Variants in TADA2A observed in about 807,000 individuals in gnomAD.
TADA2A encodes the protein transcriptional adaptor 2A.
Under a neutral mutation model 67.4 loss-of-function variants are expected in TADA2A, and 38 were observed. The observed-to-expected ratio is 0.56, with a 90% confidence interval of 0.44 to 0.74. The LOEUF is 0.74. TADA2A is among the 30% of genes least tolerant of loss of function. TADA2A has a pLI of 0.00. For missense variants in TADA2A, 454 were observed against 547.0 expected (o/e 0.83, Z 1.70); for synonymous variants, 192 against 181.6 (o/e 1.06, Z -0.46).
chr17:37,427,151 C>T (rs1017263956), intron 4 of TADA2A, 142 bp downstream of exon 4: 1 of 607,686 alleles, frequency 1.6e-6, no homozygotes, highest in Non-Finnish European at 2.6e-6. Context: ...TTTACCTTTT[C>T]TCCCCTTCGG....
chr17:37,437,061 A>C lies in TADA2A; in HGVS notation c.193-677A>C, dbSNP rs536542281. 3.8e-4 allele frequency among the ~76,000 whole-genome samples: 57 copies of C among 151,730 alleles called. 1 individual carries two copies. The highest frequency in any genetic ancestry group is 1.3e-3 in the African/African-American group (54 of 41,218). On this transcript the variant is annotated intron_variant, in intron 4 of 15. Coordinates refer to ENST00000615182, the MANE Select transcript of TADA2A (RefSeq NM_001166105.3). ...CGGCTGTAAACTATTACTACAGTTG[A>C]AGTTCCTAGATTCCATTTATTTTTA...
At chr17:37,450,466 T>A (rs970637529) in intron 8 of TADA2A, 1 of 152,230 alleles carries the variant, frequency 6.6e-6, no homozygotes, top group Admixed American at 6.5e-5. Flanking sequence ...GTTAGCTATT[T>A]TGAACAATGT....
chr17:37,449,760 C>T (rs1295502052), intron 8 of TADA2A, among the ~76,000 whole-genome samples: 2 of 152,090 alleles, frequency 1.3e-5, no homozygotes, highest in African/African-American at 2.4e-5. Context: ...GCTGGGACTC[C>T]AGGCGTGCAC....
At chr17:37,412,084 G>A (rs913213965) in intron 2 of TADA2A, among the ~76,000 whole-genome samples, 7 of 151,812 alleles carry the variant, frequency 4.6e-5, no homozygotes, top group Non-Finnish European at 7.4e-5. Context: ...GGTGGCAGGC[G>A]CCTGTAGTCC....
rs1485716940 is a variant in TADA2A, at chr17:37,406,916, G to C, written c.-131G>C. 2 of 144,734 alleles carry C rather than the reference G, an allele frequency of 1.4e-5. No homozygotes were observed. Among genetic ancestry groups the C allele is most frequent in the Non-Finnish European group, 3.1e-5 (2 of 65,188 alleles). The allele number at this position is 144,734 out of a possible 1,614,324, so 9.0% of individuals were successfully genotyped here. A position where few individuals can be genotyped will look rare whatever the true frequency, so the allele number is the denominator to read the frequency against. ...AAGCCCGGAGGCGCGCGCGACCGGC[G>C]GCTCTTTGGCGCGGATTAGGGGGTC... On this transcript the variant is annotated 5_prime_UTR_variant, in exon 1 of 16. Coordinates refer to ENST00000615182, the MANE Select transcript of TADA2A (RefSeq NM_001166105.3).
intron 7 of TADA2A, 142 bp from the exon 8 acceptor site, chr17:37,444,554 T>C: frequency 2.8e-6 from 2 of 704,922 alleles, no homozygotes; most frequent in South Asian, 3.6e-5. Context: ...TGTGCCAGTA[T>C]TGTGGCCTTT....
intron 3 of TADA2A, among the ~76,000 whole-genome samples, chr17:37,425,061 G>A (rs1168368211): frequency 1.3e-5 from 2 of 151,532 alleles, no homozygotes; most frequent in Admixed American, 1.3e-4. Flanking sequence ...TTATATTTTT[G>A]GTAGAGATGG....
At chr17:37,410,698 A>G (rs1035622529) in intron 1 of TADA2A, among the ~76,000 whole-genome samples, 1 of 152,218 alleles carries the variant, frequency 6.6e-6, no homozygotes, top group African/African-American at 2.4e-5. Context: ...AATGAATTCT[A>G]GTGAATAACT....
intron 1 of TADA2A, among the ~76,000 whole-genome samples, chr17:37,409,430 G>C (rs2051786829): frequency 6.6e-6 from 1 of 152,150 alleles, no homozygotes; most frequent in South Asian, 2.1e-4. Context: ...TAGACATTCA[G>C]AAGTAATACT....
chr17:37,411,381 T>C lies in TADA2A; in HGVS notation c.16T>C (p.Ser6Pro), dbSNP rs7211875. 0.15 allele frequency: 235,697 copies of C among 1,613,530 alleles called. 18,223 individuals are homozygous for C. The highest frequency in any genetic ancestry group is 0.26 in the East Asian group (11,855 of 44,854). ...CAATTAGGGAATGGACCGTTTGGGT[T>C]CCTTTAGCAGTAAGTACAGTGGGAA... MDRLG[S>P]FSNDPSDKPP... The change falls in exon 2 of 16, where the codon TCC becomes CCC. Residue 6 changes from serine (S) to proline (P), a missense_variant. By Grantham distance (74) the Ser-to-Pro change is moderately conservative (BLOSUM62 -1). Coordinates refer to ENST00000615182, the MANE Select transcript of TADA2A (RefSeq NM_001166105.3).
chr17:37,437,629 C>T (rs1264053485), intron 4 of TADA2A, 109 bp from the exon 5 acceptor site: 35 of 891,814 alleles, frequency 3.9e-5, no homozygotes, highest in Middle Eastern at 5.2e-4. Flanking sequence ...TCAGGTGATC[C>T]GCCCGCCTCC....
At chr17:37,425,964 C>T (rs916903586) in intron 3 of TADA2A, among the ~76,000 whole-genome samples, 1 of 151,000 alleles carries the variant, frequency 6.6e-6, no homozygotes, top group African/African-American at 2.4e-5. Context: ...TTTTATTTTT[C>T]TTTAAAAAAA....
At chr17:37,422,496 T>G (rs1350560041) in intron 2 of TADA2A, among the ~76,000 whole-genome samples, 165 of 127,120 alleles carry the variant, frequency 1.3e-3, no homozygotes, top group African/African-American at 3.9e-3. Context: ...TTATTATTAT[T>G]ATTATTATTA....
intron 2 of TADA2A, among the ~76,000 whole-genome samples, chr17:37,422,689 A>T (rs1191808923): frequency 1.3e-5 from 2 of 151,854 alleles, no homozygotes; most frequent in African/African-American, 2.4e-5. Flanking sequence ...TTTAGTAGAG[A>T]CAGGGTTTCG....
intron 12 of TADA2A, among the ~76,000 whole-genome samples, chr17:37,467,986 G>A (rs1434244838): frequency 6.6e-6 from 1 of 151,964 alleles, no homozygotes; most frequent in Non-Finnish European, 1.5e-5. Flanking sequence ...GGAGGCTGAG[G>A]CACAAGAATC....
chr17:37,474,626 G>C lies in TADA2A; in HGVS notation c.1143G>C (p.Lys381Asn). Reference protein sequence around the residue: ...PGTEKLNEKEKELCQMVRLVP... With the variant: ...PGTEKLNEKENELCQMVRLVP... Reference sequence around the variant, plus strand: ...CAGAGAAGCTGAATGAAAAAGAAAAGGAGGTAACAAAAGGGAGGGGGCTGG... The same window carrying C: ...CAGAGAAGCTGAATGAAAAAGAAAACGAGGTAACAAAAGGGAGGGGGCTGG... The change falls in exon 15 of 16, where the codon AAG becomes AAC. Residue 381 changes from lysine (K) to asparagine (N), a missense_variant. Coordinates refer to ENST00000615182, the MANE Select transcript of TADA2A (RefSeq NM_001166105.3). The C allele has an allele frequency of 6.2e-7, 1 of 1,611,286 alleles. No homozygotes were observed. The highest frequency in any genetic ancestry group is 8.5e-7 in the Non-Finnish European group (1 of 1,178,568).
intron 3 of TADA2A, among the ~76,000 whole-genome samples, chr17:37,424,940 C>T (rs2052360634): frequency 6.6e-6 from 1 of 152,138 alleles, no homozygotes; most frequent in Admixed American, 6.6e-5. Context: ...CGGTTCACTG[C>T]AAGCTGTGCC....
At position 37,440,581 on chromosome 17, in the gene TADA2A, A is replaced by C. The variant is rs763545857; in HGVS notation, c.361A>C (p.Asn121His). ...GCACTATATGAAGCATTTCATCAAT[A>C]ACCCTCTGTTTGCATCTACCCTGCT... The part of the protein sequence containing the change: ...EKHYMKHFIN[N>H]PLFASTLLNL... The change falls in exon 6 of 16, where the codon AAC (asparagine) becomes CAC (histidine). Residue 121 changes from asparagine (N) to histidine (H), a missense_variant. This residue lies in a region of TADA2A where 403 missense variants were observed against 455.5 expected (regional missense o/e 0.88). Transcript: ENST00000615182. 6.2e-6 allele frequency: 10 copies of C among 1,614,154 alleles called. No individual in the cohort carries two copies. Among genetic ancestry groups the C allele is most frequent in the Non-Finnish European group, 8.5e-6 (10 of 1,180,014 alleles).
chr17:37,459,496 T>C (rs2053492288), intron 9 of TADA2A, among the ~76,000 whole-genome samples: 1 of 151,574 alleles, frequency 6.6e-6, no homozygotes, highest in African/African-American at 2.4e-5. Flanking sequence ...TTGTCCAGGC[T>C]GGTCTTGAAC....
Sources: gnomAD v4.1 joint callset for allele counts (sites outside exome capture counted in the v4.1 genomes callset) on GRCh38, gnomAD v4.1.1 for gene constraint, gnomAD v4.1.1 regional missense constraint, MANE v1.5 for transcripts, NCBI Gene and HGNC (gene_info 2026-07-23, HGNC 2026-07-21) for gene names.